RBFOX1: variants seen among roughly 807,000 people sequenced by gnomAD.
RBFOX1 encodes RNA binding protein fox-1 homolog 1.
Under a neutral mutation model 57.7 loss-of-function variants are expected in RBFOX1, and 8 were observed. The observed-to-expected ratio is 0.14, with a 90% CI of 0.08 to 0.25. RBFOX1 has a LOEUF of 0.25. Among genes scored for constraint, RBFOX1 ranks in the 10% least tolerant of loss-of-function variants. The pLI is 1.00. For synonymous variants in RBFOX1, 326 were observed against 222.4 expected, an observed-to-expected ratio of 1.47 and a Z score of -4.15; for missense variants, 611 against 548.5, an observed-to-expected ratio of 1.11 and a Z score of -1.14.
intron 3 of RBFOX1, among the ~76,000 whole-genome samples, chr16:5,820,681 G>A (rs2151802721): frequency 6.6e-6 from 1 of 152,286 alleles, no homozygotes; most frequent in South Asian, 2.1e-4. Flanking sequence ...GTGCGTCACA[G>A]CGTTACCCTG....
At chr16:7,508,120 G>A (rs1001507116) in intron 4 of RBFOX1, among the ~76,000 whole-genome samples, 4 of 152,032 alleles carry the variant, frequency 2.6e-5, no homozygotes, top group Non-Finnish European at 5.9e-5. Context: ...CAAAGTAGCT[G>A]GGATTACAGG....
At chr16:7,547,579 C>G (rs562292412) in intron 5 of RBFOX1, among the ~76,000 whole-genome samples, 2 of 152,302 alleles carry the variant, frequency 1.3e-5, no homozygotes, top group South Asian at 4.1e-4. Context: ...TTTTAATAGT[C>G]AGTTGACCAC....
chr16:7,345,057 C>T (rs1410834438), intron 4 of RBFOX1, among the ~76,000 whole-genome samples: 1 of 151,792 alleles, frequency 6.6e-6, no homozygotes. Context: ...AAGGGCACTG[C>T]TGGGACTGGG....
Position 6,787,861 on chromosome 16 carries a change from C to T in RBFOX1, c.-16+133211C>T, listed in dbSNP as rs192821873. On this transcript the variant is annotated intron_variant, in intron 3 of 15. Transcript: ENST00000550418. ...TTATATTCTATAAAGTTAACATAAGCGTAACTCGATACTATAGAGAGAAGT... is the reference window on the plus strand; with the variant it reads ...TTATATTCTATAAAGTTAACATAAGTGTAACTCGATACTATAGAGAGAAGT... 3.3e-5 allele frequency among the ~76,000 whole-genome samples: 5 copies of T among 152,242 alleles called. No individual in the cohort carries two copies. The East Asian group carries it at 5.8e-4, about 18-fold the overall frequency.
intron 4 of RBFOX1, among the ~76,000 whole-genome samples, chr16:5,919,397 C>T (rs889472318): frequency 6.6e-6 from 1 of 152,068 alleles, no homozygotes; most frequent in Non-Finnish European, 1.5e-5. Flanking sequence ...GGCTGGAGTG[C>T]AATGGTGCAA....
At chr16:6,043,382 C>T (rs1468519572) in intron 1 of RBFOX1, among the ~76,000 whole-genome samples, 1 of 152,040 alleles carries the variant, frequency 6.6e-6, no homozygotes, top group Admixed American at 6.6e-5. Flanking sequence ...CAAAATATGT[C>T]AAAGAAACAT....
At chr16:7,210,075 A>G (rs4477724) in intron 4 of RBFOX1, among the ~76,000 whole-genome samples, 2,227 of 152,334 alleles carry the variant, frequency 0.015, 67 homozygotes, top group African/African-American at 0.051. Context: ...AGAAAATCCA[A>G]TGAAGTGCAT....
At chr16:5,261,969 C>G (rs964360242) in intron 1 of RBFOX1, among the ~76,000 whole-genome samples, 2 of 152,166 alleles carry the variant, frequency 1.3e-5, no homozygotes, top group African/African-American at 2.4e-5. Flanking sequence ...ATTTCACACT[C>G]AAAGAAGACT....
chr16:7,166,309 C>G (rs557945324), intron 4 of RBFOX1, among the ~76,000 whole-genome samples: 1 of 152,122 alleles, frequency 6.6e-6, no homozygotes, highest in Non-Finnish European at 1.5e-5. Flanking sequence ...CCACCGCACC[C>G]GGCCGGAGTG....
intron 3 of RBFOX1, among the ~76,000 whole-genome samples, chr16:6,668,861 AATTAAAATGC>A (rs1159491532): frequency 6.6e-6 from 1 of 152,206 alleles, no homozygotes; most frequent in East Asian, 1.9e-4. Context: ...TTAAACTCTG[AATTAAAATGC>A]ATTTAGGAAA....
chr16:7,590,849 A>C (rs2094406948), intron 7 of RBFOX1, among the ~76,000 whole-genome samples: 1 of 140,096 alleles, frequency 7.1e-6, no homozygotes, highest in Non-Finnish European at 1.5e-5. Context: ...AGAAGAGGGA[A>C]GTTCTGTCTC....
intron 2 of RBFOX1, among the ~76,000 whole-genome samples, chr16:6,449,125 C>T (rs925248102): frequency 1.3e-5 from 2 of 152,134 alleles, no homozygotes; most frequent in African/African-American, 4.8e-5. Context: ...TTCTATGACC[C>T]TTCGCTAATC....
At chr16:7,464,863 AT>A (rs1178318383) in intron 4 of RBFOX1, among the ~76,000 whole-genome samples, 5 of 150,802 alleles carry the variant, frequency 3.3e-5, no homozygotes, top group Non-Finnish European at 1.5e-5. Flanking sequence ...CGCCTGGCTA[AT>A]TTTTTTGTAT....
At chr16:7,104,054 A>C (rs917412811) in intron 4 of RBFOX1, among the ~76,000 whole-genome samples, 66 of 152,204 alleles carry the variant, frequency 4.3e-4, no homozygotes, top group African/African-American at 1.5e-3. Context: ...AATCTAAAAT[A>C]GTTCGTTACT....
At chr16:6,070,823 C>T (rs1364114169) in intron 1 of RBFOX1, among the ~76,000 whole-genome samples, 1 of 151,764 alleles carries the variant, frequency 6.6e-6, no homozygotes, top group African/African-American at 2.4e-5. Context: ...GCTCGCCCCC[C>T]CCACACACAC....
chr16:5,318,830 C>G (rs976045731), intron 1 of RBFOX1, among the ~76,000 whole-genome samples: 5 of 152,264 alleles, frequency 3.3e-5, no homozygotes, highest in Middle Eastern at 3.4e-3. Flanking sequence ...TTGCGTGAGC[C>G]CTTTAAAAGC....
intron 3 of RBFOX1, among the ~76,000 whole-genome samples, chr16:6,831,157 A>C (rs1339100216): frequency 2.0e-5 from 3 of 152,178 alleles, no homozygotes; most frequent in African/African-American, 7.2e-5. Context: ...TGCTCATTAT[A>C]ATTTCATTAG....
chr16:5,925,930 G>A (rs949041464), intron 4 of RBFOX1, among the ~76,000 whole-genome samples: 5 of 152,066 alleles, frequency 3.3e-5, no homozygotes, highest in African/African-American at 4.8e-5. Context: ...TTATCTCTCC[G>A]TAGACTAAAC....
intron 1 of RBFOX1, among the ~76,000 whole-genome samples, chr16:5,425,093 C>CTATG (rs2067511432): frequency 1.4e-5 from 2 of 144,668 alleles, no homozygotes; most frequent in African/African-American, 5.2e-5. Context: ...ATCTATCTAT[C>CTATG]TATCTATCTA....
Sources: allele counts gnomAD v4.1 joint callset (sites outside exome capture counted in the v4.1 genomes callset), GRCh38; gene constraint gnomAD v4.1.1; transcripts MANE v1.5; gene names NCBI Gene and HGNC (gene_info 2026-07-23, HGNC 2026-07-21).